Variants in RSPH1 observed in about 807,000 individuals in gnomAD.
RSPH1 encodes radial spoke head 1 homolog.
In RSPH1, 32 loss-of-function variants were observed where a neutral mutation model predicts 44.2. That is an observed-to-expected ratio of 0.72 (90% confidence interval 0.55 to 0.97). The LOEUF (loss-of-function observed/expected upper bound fraction) is 0.97, where lower values mean the gene tolerates loss of function less well. Ranked by LOEUF, RSPH1 falls within the 50% of genes least tolerant of loss-of-function variation. The probability of loss-of-function intolerance (pLI) is 0.00; values close to 1 mark genes in which losing one functional copy is unlikely to be tolerated. For missense variants in RSPH1, 391 were observed against 398.7 expected (o/e 0.98, Z 0.16); for synonymous variants, 134 against 147.3 (o/e 0.91, Z 0.65).
intron 1 of RSPH1, among the ~76,000 whole-genome samples, chr21:42,494,160 T>C (rs1378753636): frequency 6.6e-6 from 1 of 152,238 alleles, no homozygotes; most frequent in Non-Finnish European, 1.5e-5. Context: ...ATAGAGTGAA[T>C]ATAGTAAATA....
intron 3 of RSPH1, among the ~76,000 whole-genome samples, chr21:42,487,868 A>G (rs2054195599): frequency 6.6e-6 from 1 of 152,208 alleles, no homozygotes; most frequent in Non-Finnish European, 1.5e-5. Context: ...CAATCATCCC[A>G]TTATTTACTC....
At chr21:42,484,978 C>A (rs1791820715) in intron 5 of RSPH1, 1 of 152,214 alleles carries the variant, frequency 6.6e-6, no homozygotes, top group Non-Finnish European at 1.5e-5. Context: ...CTAACACCAT[C>A]AATTTGCTCC....
intron 1 of RSPH1, among the ~76,000 whole-genome samples, chr21:42,494,331 T>C (rs1453207620): frequency 2.0e-5 from 3 of 152,176 alleles, no homozygotes; most frequent in Non-Finnish European, 4.4e-5. Context: ...ACACACTACA[T>C]TGAGGACTTC....
intron 8 of RSPH1, among the ~76,000 whole-genome samples, chr21:42,473,980 C>T (rs755324345): frequency 2.0e-5 from 3 of 152,268 alleles, no homozygotes; most frequent in African/African-American, 4.8e-5. Flanking sequence ...CTCAGACGCC[C>T]GCTGGTACTG....
intron 5 of RSPH1, chr21:42,484,571 G>C (rs1273730503): frequency 1.3e-5 from 2 of 152,108 alleles, no homozygotes; most frequent in African/African-American, 2.4e-5. Context: ...AGGGTGGTGG[G>C]GCAGGATCCT....
chr21:42,485,507 C>T, intron 5 of RSPH1, 162 bp downstream of exon 5: 1 of 743,716 alleles, frequency 1.3e-6, no homozygotes, highest in Non-Finnish European at 2.2e-6. Flanking sequence ...CTGTGGGTAC[C>T]AGAGGCTCAG....
At chr21:42,494,728 G>T (rs1461357714) in intron 1 of RSPH1, among the ~76,000 whole-genome samples, 4 of 149,506 alleles carry the variant, frequency 2.7e-5, no homozygotes, top group Non-Finnish European at 5.9e-5. Context: ...TTGAGACAGA[G>T]TCGCTCTGTT....
chr21:42,478,763 T>C (rs544008540), intron 6 of RSPH1, among the ~76,000 whole-genome samples: 2 of 152,368 alleles, frequency 1.3e-5, no homozygotes, highest in South Asian at 2.1e-4. Flanking sequence ...CACTGCAGCA[T>C]TATTCATAAT....
chr21:42,485,790 G>C lies in RSPH1; in HGVS notation c.380C>G (p.Thr127Ser), dbSNP rs937666798. Residue 127 changes from threonine (T) to serine (S), a missense_variant, in exon 5 of 9, where the codon ACC becomes AGC. Thr to Ser is a moderately conservative substitution (Grantham distance 58, BLOSUM62 1). Coordinates refer to ENST00000291536, the MANE Select transcript of RSPH1 (RefSeq NM_080860.4). ...WFAHQRHGQG[T>S]YLYAETGSKY... The stretch of plus-strand genomic sequence containing the variant: ...ACTGCCCGTCTCCGCGTATAAATAG[G>C]TGCCTTGCCCATGCCTGGTTAAGAC... 1.9e-6 allele frequency: 3 copies of C among 1,614,054 alleles called. No homozygotes were observed. In the African/African-American group the frequency reaches 4.0e-5, roughly 22 times the overall value.
At chr21:42,486,720 G>A (rs1003722855) in intron 3 of RSPH1, among the ~76,000 whole-genome samples, 29 of 152,162 alleles carry the variant, frequency 1.9e-4, no homozygotes, top group African/African-American at 6.8e-4. Flanking sequence ...GCTGAGCCAC[G>A]GTGGACAGTG....
intron 3 of RSPH1, among the ~76,000 whole-genome samples, chr21:42,492,470 G>A (rs138188105): frequency 5.9e-5 from 9 of 152,348 alleles, no homozygotes; most frequent in Admixed American, 2.6e-4. Flanking sequence ...CACCAGCTGC[G>A]AGGCCTGCGT....
At chr21:42,479,425 T>A (rs1601627487) in intron 6 of RSPH1, among the ~76,000 whole-genome samples, 2 of 152,198 alleles carry the variant, frequency 1.3e-5, no homozygotes, top group African/African-American at 4.8e-5. Context: ...CTTCTCATCA[T>A]CCTGAAATAC....
chr21:42,492,241 C>A (rs1046299285), intron 3 of RSPH1, among the ~76,000 whole-genome samples: 1 of 152,176 alleles, frequency 6.6e-6, no homozygotes, highest in African/African-American at 2.4e-5. Context: ...GAAAAAGAAT[C>A]CTCCTCAAAC....
At chr21:42,473,417 G>A (rs940113904) in intron 8 of RSPH1, among the ~76,000 whole-genome samples, 2 of 150,958 alleles carry the variant, frequency 1.3e-5, no homozygotes, top group Non-Finnish European at 2.9e-5. Context: ...CTTGAACCCC[G>A]TGGCAGAGGT....
At chr21:42,489,673 G>A (rs1483530341) in intron 3 of RSPH1, among the ~76,000 whole-genome samples, 9 of 152,176 alleles carry the variant, frequency 5.9e-5, no homozygotes, top group Admixed American at 5.2e-4. Flanking sequence ...GCAGGGTTCC[G>A]TGCACTTGCC....
At chr21:42,480,582 T>G (rs11702755) in intron 6 of RSPH1, among the ~76,000 whole-genome samples, 79,365 of 147,110 alleles carry the variant, frequency 0.54, 21,444 homozygotes, top group Admixed American at 0.69. Flanking sequence ...GGAGTTTGCG[T>G]TGAGCCGAGA....
chr21:42,486,921 T>C (rs935073293), intron 3 of RSPH1, among the ~76,000 whole-genome samples: 2 of 152,166 alleles, frequency 1.3e-5, no homozygotes, highest in African/African-American at 4.8e-5. Flanking sequence ...CACACTTCAT[T>C]TACCTTGCAA....
At chr21:42,485,357 T>C (rs1042886909) in intron 5 of RSPH1, 18 of 316,786 alleles carry the variant, frequency 5.7e-5, no homozygotes, top group African/African-American at 3.6e-4. Flanking sequence ...GATTTACCCA[T>C]GAGAAGGAAT....
chr21:42,491,210 C>T (rs1405176002), intron 3 of RSPH1, among the ~76,000 whole-genome samples: 1 of 152,116 alleles, frequency 6.6e-6, no homozygotes. Flanking sequence ...CCCTCCGGAT[C>T]CACAACTTGA....
Sources: allele counts gnomAD v4.1 joint callset (sites outside exome capture counted in the v4.1 genomes callset), GRCh38; gene constraint gnomAD v4.1.1; transcripts MANE v1.5; gene names NCBI Gene and HGNC (gene_info 2026-07-23, HGNC 2026-07-21).